The following PLEKHA5 variants were observed in gnomAD, a reference collection of about 807,000 sequenced individuals.
The protein encoded by PLEKHA5 is pleckstrin homology domain-containing family A member 5.
PLEKHA5 carries 55 observed loss-of-function variants against 181.9 expected under a neutral mutation model. That is an observed-to-expected ratio of 0.30 (90% CI 0.24 to 0.38). The LOEUF is 0.38. Ranked by LOEUF, PLEKHA5 falls within the 10% of genes least tolerant of loss-of-function variation. The pLI is 1.00. For synonymous variants in PLEKHA5, 535 were observed against 529.4 expected, an observed-to-expected ratio of 1.01 and a Z score of -0.15; for missense variants, 1,432 against 1,549.5, an observed-to-expected ratio of 0.92 and a Z score of 1.27.
At chr12:19,337,078 C>T (rs1401366424) in intron 21 of PLEKHA5, among the ~76,000 whole-genome samples, 3 of 147,802 alleles carry the variant, frequency 2.0e-5, no homozygotes, top group African/African-American at 5.1e-5. Flanking sequence ...ACCTCTGCCT[C>T]CCGGGTTCAA....
intron 3 of PLEKHA5, among the ~76,000 whole-genome samples, chr12:19,138,056 T>C (rs2036181064): frequency 6.6e-6 from 1 of 152,100 alleles, no homozygotes; most frequent in East Asian, 1.9e-4. Context: ...AAGTGGTCAA[T>C]ACAAAAACAC....
chr12:19,257,504 A>G lies in PLEKHA5; in HGVS notation c.504A>G (p.Ala168=), dbSNP rs1268115298. ...RSNSIKRNPN[A]PVVRRGWLYK... ...ATTCAATTAAAAGGAATCCTAATGC[A>G]CCGGTTGTCAGACGAGGTTGGCTTT... The change falls in exon 6 of 32, where the codon GCA becomes GCG. Residue 168 remains alanine (A), a synonymous_variant. Transcript: ENST00000429027. The G allele has an allele frequency of 6.2e-7, 1 of 1,604,018 alleles. No homozygotes were observed. Among genetic ancestry groups the G allele is most frequent in the South Asian group, 1.1e-5 (1 of 88,710 alleles).
chr12:19,369,233 C>T (rs1166207607), intron 30 of PLEKHA5, among the ~76,000 whole-genome samples: 1 of 151,764 alleles, frequency 6.6e-6, no homozygotes, highest in African/African-American at 2.4e-5. Context: ...CGGGGTTTCA[C>T]CATGTTGGCC....
In PLEKHA5 at chr12:19,269,377, ACT is replaced by A. The variant is rs2071756266; in HGVS notation, c.712-390_712-389del. Among the ~76,000 whole-genome samples, 4 of 121,788 alleles carry A rather than the reference ACT, an allele frequency of 3.3e-5. No homozygotes were observed. In the South Asian group the frequency reaches 1.2e-3, roughly 36 times the overall value. 79.9% of individuals were successfully genotyped at this position (121,788 alleles called of 152,430 possible). A position where few individuals can be genotyped will look rare whatever the true frequency, so the allele number is the denominator to read the frequency against. On this transcript the variant is annotated intron_variant, in intron 8 of 31. Transcript: ENST00000429027. ...ACTCCAACCTGGGCAACAGAGTGAG[ACT>A]CTGTCTCAAAAAAAAGAAAAAAAAA...
chr12:19,306,529 C>T (rs756557782), intron 15 of PLEKHA5: 7 of 740,864 alleles, frequency 9.4e-6, no homozygotes, highest in Admixed American at 1.7e-5. Flanking sequence ...GGAGGGAGAA[C>T]GCCGCGAGCA....
At chr12:19,237,420 A>G (rs997641566) in intron 3 of PLEKHA5, among the ~76,000 whole-genome samples, 1 of 152,064 alleles carries the variant, frequency 6.6e-6, no homozygotes, top group African/African-American at 2.4e-5. Context: ...AAGATGCTTG[A>G]TTTGCCCCTA....
In PLEKHA5 at chr12:19,197,641, G is replaced by T. The variant is rs554411683; in HGVS notation, c.228-56299G>T. ...CACCGAGCATAGGACTAGGCACACA[G>T]TTGGCATTGTTGAAGTCACAGAGTC... On this transcript the variant is annotated intron_variant, in intron 3 of 31. Transcript: ENST00000429027. 4.8e-5 allele frequency among the ~76,000 whole-genome samples: 7 copies of T among 145,714 alleles called. No homozygotes were observed. The South Asian group carries it at 1.6e-3, about 33-fold the overall frequency.
intron 3 of PLEKHA5, among the ~76,000 whole-genome samples, chr12:19,181,773 C>G (rs932407033): frequency 6.6e-6 from 1 of 152,068 alleles, no homozygotes; most frequent in Non-Finnish European, 1.5e-5. Flanking sequence ...GAGTGAGACT[C>G]TGACTCAAAA....
intron 3 of PLEKHA5, among the ~76,000 whole-genome samples, chr12:19,160,410 A>T (rs547721820): frequency 1.3e-5 from 2 of 152,264 alleles, no homozygotes; most frequent in East Asian, 3.9e-4. Context: ...CAAATGGGAC[A>T]TAACAACAAT....
chr12:19,229,381 T>C (rs1592135430), intron 3 of PLEKHA5, among the ~76,000 whole-genome samples: 1 of 152,238 alleles, frequency 6.6e-6, no homozygotes, highest in South Asian at 2.1e-4. Context: ...TTCCTTCTGA[T>C]GTTCAGATGT....
At chr12:19,287,750 C>A (rs1054695841) in intron 13 of PLEKHA5, among the ~76,000 whole-genome samples, 194 bp downstream of exon 13, 1 of 152,116 alleles carries the variant, frequency 6.6e-6, no homozygotes, top group East Asian at 1.9e-4. Flanking sequence ...ATACCTTTTC[C>A]TAAGTGTCTG....
At chr12:19,219,997 C>T (rs1392320656) in intron 3 of PLEKHA5, among the ~76,000 whole-genome samples, 2 of 151,952 alleles carry the variant, frequency 1.3e-5, no homozygotes, top group Non-Finnish European at 2.9e-5. Flanking sequence ...GTGTGGTAAA[C>T]AAATACAATG....
At chr12:19,234,086 T>C (rs1298218264) in intron 3 of PLEKHA5, among the ~76,000 whole-genome samples, 3 of 152,248 alleles carry the variant, frequency 2.0e-5, no homozygotes, top group Non-Finnish European at 4.4e-5. Context: ...TTTCCTTAAA[T>C]GAATAGTTTC....
rs1207443597 is a variant in PLEKHA5, at chr12:19,287,533, C to A, written c.1840C>A (p.Pro614Thr). The change falls in exon 13 of 32, where the codon CCC (proline) becomes ACC (threonine). Residue 614 changes from proline (P) to threonine (T), a missense_variant. Around this residue, in one of 2 missense-constraint regions of PLEKHA5, gnomAD observed 1,143 missense variants for 1,168.4 expected, o/e 0.98. Transcript: ENST00000429027. Reference sequence around the variant, plus strand: ...TGGCCTGACTTTACAGTCTGTTAGTCCCCAGAGCCTCCAAGGGAAAACGGT... The same window carrying A: ...TGGCCTGACTTTACAGTCTGTTAGTACCCAGAGCCTCCAAGGGAAAACGGT... ...PAGLTLQSVSPQSLQGKTPEE... is the reference protein window; with the variant it reads ...PAGLTLQSVSTQSLQGKTPEE... The A allele has an allele frequency of 1.2e-6, 2 of 1,602,002 alleles. No homozygotes were observed. Among genetic ancestry groups the A allele is most frequent in the Non-Finnish European group, 1.7e-6 (2 of 1,170,204 alleles).
intron 3 of PLEKHA5, among the ~76,000 whole-genome samples, chr12:19,226,971 C>G (rs1357072711): frequency 6.6e-6 from 1 of 151,796 alleles, no homozygotes; most frequent in Non-Finnish European, 1.5e-5. Context: ...ACTTGATTGA[C>G]AGTAATTTTA....
At chr12:19,205,904 A>G (rs996313074) in intron 3 of PLEKHA5, among the ~76,000 whole-genome samples, 1 of 152,148 alleles carries the variant, frequency 6.6e-6, no homozygotes, top group African/African-American at 2.4e-5. Flanking sequence ...ATGATAGGGT[A>G]TATTACAGTA....
Position 19,320,651 on chromosome 12 carries a change from C to A in PLEKHA5, c.2217+27C>A. ...TAAGTATTAGTATGATATATGTGGT[C>A]AGTACTCTGTCGTATTCTCCGCCAA... On this transcript the variant is annotated intron_variant, in intron 18 of 31. Transcript: ENST00000429027. 2.8e-6 allele frequency: 3 copies of A among 1,071,894 alleles called. No homozygotes were observed. In the South Asian group the frequency reaches 4.7e-5, roughly 17 times the overall value. 66.4% of individuals were successfully genotyped at this position (1,071,894 alleles called of 1,614,324 possible). A position where few individuals can be genotyped will look rare whatever the true frequency, so the allele number is the denominator to read the frequency against.
intron 3 of PLEKHA5, among the ~76,000 whole-genome samples, chr12:19,171,425 G>C (rs962062210): frequency 6.6e-6 from 1 of 152,184 alleles, no homozygotes; most frequent in African/African-American, 2.4e-5. Context: ...AAGAAAGCTT[G>C]ATTTAGCTAT....
intron 3 of PLEKHA5, among the ~76,000 whole-genome samples, chr12:19,193,422 A>G (rs1347828582): frequency 1.3e-5 from 2 of 152,196 alleles, no homozygotes; most frequent in Non-Finnish European, 2.9e-5. Context: ...TTTTTAATCA[A>G]TTTCTTACTT....
Sources: gnomAD v4.1 joint callset for allele counts (sites outside exome capture counted in the v4.1 genomes callset) on GRCh38, gnomAD v4.1.1 for gene constraint, gnomAD v4.1.1 regional missense constraint, MANE v1.5 for transcripts, NCBI Gene and HGNC (gene_info 2026-07-23, HGNC 2026-07-21) for gene names.